Variants in NEMP1 observed in about 807,000 individuals in gnomAD.
NEMP1 encodes the protein transmembrane protein 194.
Under a neutral mutation model 53.7 loss-of-function variants are expected in NEMP1, and 29 were observed. That is an observed-to-expected ratio of 0.54 (90% CI 0.40 to 0.74). The LOEUF is 0.74. NEMP1 is among the 30% of genes least tolerant of loss of function. The pLI, the probability that NEMP1 is intolerant of heterozygous loss-of-function variation, is 0.00. For missense variants in NEMP1, 477 were observed against 528.6 expected, an observed-to-expected ratio of 0.90 and a Z score of 0.96; for synonymous variants, 193 against 192.9, an observed-to-expected ratio of 1.00 and a Z score of 0.00.
chr12:57,074,346 C>A (rs2032501144), intron 1 of NEMP1, among the ~76,000 whole-genome samples: 1 of 140,652 alleles, frequency 7.1e-6, no homozygotes, highest in Non-Finnish European at 1.5e-5. Flanking sequence ...GGCTGGAATA[C>A]AGTGGTGCGA....
At chr12:57,073,698 A>T (rs2032465222) in intron 1 of NEMP1, among the ~76,000 whole-genome samples, 1 of 152,232 alleles carries the variant, frequency 6.6e-6, no homozygotes, top group African/African-American at 2.4e-5. Flanking sequence ...TGTCTCATTT[A>T]ATGCTCCCAA....
At chr12:57,061,729 G>T (rs1440959731) in intron 7 of NEMP1, among the ~76,000 whole-genome samples, 1 of 137,330 alleles carries the variant, frequency 7.3e-6, no homozygotes, top group African/African-American at 2.7e-5. Context: ...CGCCGGGCAA[G>T]GTGGCTCACA....
At chr12:57,076,028 T>G (rs545231447) in intron 1 of NEMP1, among the ~76,000 whole-genome samples, 1 of 151,692 alleles carries the variant, frequency 6.6e-6, no homozygotes, top group Non-Finnish European at 1.5e-5. Context: ...CGCTTGAACC[T>G]AGGTGGCCGA....
chr12:57,068,690 CAAGTAG>C lies in NEMP1; in HGVS notation c.545+538_545+543del, dbSNP rs538804054. Among the ~76,000 whole-genome samples the C allele has an allele frequency of 5.9e-3, 905 of 152,294 alleles. 3 individuals are homozygous for C. Among genetic ancestry groups the C allele is most frequent in the Non-Finnish European group, 0.01 (712 of 68,024 alleles). ...ACGCCATTCTCCTGCCTCAGCCTCACAAGTAGCTGGGACTACAGGCGCCCGCCACCA... is the reference window on the plus strand; with the variant it reads ...ACGCCATTCTCCTGCCTCAGCCTCACCTGGGACTACAGGCGCCCGCCACCA... On this transcript the variant is annotated intron_variant, in intron 4 of 8. Coordinates refer to ENST00000300128, the MANE Select transcript of NEMP1 (RefSeq NM_001130963.2).
At chr12:57,061,028 GA>G in intron 7 of NEMP1, 83 bp from the exon 8 acceptor site, 1 of 1,383,650 alleles carries the variant, frequency 7.2e-7, no homozygotes, top group Non-Finnish European at 9.8e-7. Context: ...AGTGGGCCAA[GA>G]ATACAGCAGA....
chr12:57,075,824 C>T (rs893176002), intron 1 of NEMP1, among the ~76,000 whole-genome samples: 11 of 151,426 alleles, frequency 7.3e-5, no homozygotes, highest in Non-Finnish European at 1.5e-4. Context: ...AAAAATTACC[C>T]GGGCATGGTG....
rs1231095829 is a variant in NEMP1, at chr12:57,058,236, G to C, written c.*1643C>G. 2.0e-5 allele frequency: 3 copies of C among 152,218 alleles called. No homozygotes were observed. The highest frequency in any genetic ancestry group is 7.2e-5 in the African/African-American group (3 of 41,426). The allele number at this position is 152,218 out of a possible 1,614,324, so 9.4% of individuals were successfully genotyped here. A position where few individuals can be genotyped will look rare whatever the true frequency, so the allele number is the denominator to read the frequency against. ...GGAAATAATCAACTGCCCACCTGGA[G>C]GGCAGTCTCAGAGCTGACCCTTTGG... On this transcript the variant is annotated 3_prime_UTR_variant, in exon 9 of 9. Coordinates refer to ENST00000300128, the MANE Select transcript of NEMP1 (RefSeq NM_001130963.2).
rs2031648391 is a variant in NEMP1, at chr12:57,058,677, T to C, written c.*1202A>G. 6.6e-6 allele frequency: 1 copy of C among 152,154 alleles called. No individual in the cohort carries two copies. The highest frequency in any genetic ancestry group is 2.4e-5 in the African/African-American group (1 of 41,436). 9.4% of individuals were successfully genotyped at this position (152,154 alleles called of 1,614,324 possible). ...ACAGCTGAATGAGCACCCAGAGGCA[T>C]GAAGATAACCTGGAGCCTATTTCCT... On this transcript the variant is annotated 3_prime_UTR_variant, in exon 9 of 9. Coordinates refer to ENST00000300128, the MANE Select transcript of NEMP1 (RefSeq NM_001130963.2).
intron 1 of NEMP1, among the ~76,000 whole-genome samples, chr12:57,073,784 T>A (rs2032468782): frequency 6.6e-6 from 1 of 152,134 alleles, no homozygotes. Context: ...GATTAAGTAA[T>A]TTGCTCCAAA....
chr12:57,086,289 G>A (rs1298934477), intron 1 of NEMP1, among the ~76,000 whole-genome samples: 1 of 152,154 alleles, frequency 6.6e-6, no homozygotes, highest in African/African-American at 2.4e-5. Context: ...CTAGGACTGA[G>A]GATACTGTTT....
chr12:57,072,088 A>G (rs1413325196), intron 2 of NEMP1, among the ~76,000 whole-genome samples: 1 of 152,230 alleles, frequency 6.6e-6, no homozygotes, highest in Non-Finnish European at 1.5e-5. Context: ...AAAAGAGTTT[A>G]CATCCTCACA....
chr12:57,057,827 T>C lies in NEMP1; in HGVS notation c.*2052A>G, dbSNP rs940386675. ...GAAATAAAGACATGATCAGGAAAAG[T>C]CACCCTTATAGGCAAGCTATCACCT... On this transcript the variant is annotated 3_prime_UTR_variant, in exon 9 of 9. Transcript: ENST00000300128. 3.3e-5 allele frequency: 5 copies of C among 152,296 alleles called. No individual in the cohort carries two copies. Among genetic ancestry groups the C allele is most frequent in the African/African-American group, 7.2e-5 (3 of 41,580 alleles). The allele number at this position is 152,296 out of a possible 1,614,324, so 9.4% of individuals were successfully genotyped here. A position where few individuals can be genotyped will look rare whatever the true frequency, so the allele number is the denominator to read the frequency against.
upstream of NEMP1, among the ~76,000 whole-genome samples, chr12:57,082,924 C>G (rs894996823): frequency 6.6e-6 from 1 of 151,590 alleles, no homozygotes; most frequent in Non-Finnish European, 1.5e-5. Flanking sequence ...GGGAGGTTGA[C>G]GTGGGAGAAT....
At chr12:57,078,524 C>T in intron 1 of NEMP1, 95 bp downstream of exon 1, 1 of 1,482,554 alleles carries the variant, frequency 6.7e-7, no homozygotes, top group South Asian at 1.3e-5. Flanking sequence ...CACCGCCCTT[C>T]TGCAGAGTAA....
chr12:57,071,570 G>T (rs192593531), intron 2 of NEMP1, among the ~76,000 whole-genome samples: 53 of 152,186 alleles, frequency 3.5e-4, no homozygotes, highest in Admixed American at 3.1e-3. Flanking sequence ...GTAGAGACGG[G>T]GTTTCACCAT....
intron 7 of NEMP1, among the ~76,000 whole-genome samples, chr12:57,061,786 G>A (rs1177014711): frequency 6.6e-6 from 1 of 151,360 alleles, no homozygotes; most frequent in Non-Finnish European, 1.5e-5. Context: ...AGATCACAAG[G>A]TCAAGATTGA....
rs959560802 is a variant in NEMP1, at chr12:57,055,992, T to C, written c.*3887A>G. ...TATTTGTTATGTTGTCATAAGAATG[T>C]GCTCATGCTATAGGCAAATTCAGAG... On this transcript the variant is annotated 3_prime_UTR_variant, in exon 9 of 9. Transcript: ENST00000300128. 2.6e-5 allele frequency: 4 copies of C among 152,250 alleles called. No individual in the cohort carries two copies. Among genetic ancestry groups the C allele is most frequent in the African/African-American group, 9.6e-5 (4 of 41,466 alleles). The allele number at this position is 152,250 out of a possible 1,614,324, so 9.4% of individuals were successfully genotyped here.
intron 1 of NEMP1, among the ~76,000 whole-genome samples, chr12:57,077,066 C>T (rs965511139): frequency 4.6e-5 from 7 of 152,130 alleles, no homozygotes; most frequent in Non-Finnish European, 8.8e-5. Context: ...GGTGTGGAGG[C>T]TCATGCCTGT....
At chr12:57,075,958 C>T (rs538275103) in intron 1 of NEMP1, among the ~76,000 whole-genome samples, 4 of 151,566 alleles carry the variant, frequency 2.6e-5, no homozygotes, top group African/African-American at 9.7e-5. Context: ...AAAAAAATTA[C>T]CCGGGCATGG....
Sources: gnomAD v4.1 joint callset for allele counts (sites outside exome capture counted in the v4.1 genomes callset) on GRCh38, gnomAD v4.1.1 for gene constraint, MANE v1.5 for transcripts, NCBI Gene and HGNC (gene_info 2026-07-23, HGNC 2026-07-21) for gene names.